NR3C2: variants seen among roughly 807,000 people sequenced by gnomAD.
NR3C2 encodes mineralocorticoid receptor.
A neutral mutation model predicts 86.4 loss-of-function variants in NR3C2; 15 were observed. That is an observed-to-expected ratio of 0.17 (90% confidence interval 0.12 to 0.27). The LOEUF is 0.27. Among genes scored for constraint, NR3C2 ranks in the 10% least tolerant of loss-of-function variants. The pLI is 1.00. For missense variants in NR3C2, 960 were observed against 1,195.6 expected (o/e 0.80, Z 2.91); for synonymous variants, 458 against 450.5 (o/e 1.02, Z -0.21).
chr4:148,300,549 G>C (rs75911785), intron 2 of NR3C2, among the ~76,000 whole-genome samples: 5,818 of 148,812 alleles, frequency 0.039, 354 homozygotes, highest in African/African-American at 0.13. Flanking sequence ...TTTTTTCTCA[G>C]TCAACTGAAT....
rs566648576 is a variant in NR3C2, at chr4:148,083,907, G to A, written c.2800-2408C>T. ...TTATCAATAGCTGAACTGATCAAGC[G>A]GAAGAAAGAATATCAGAGATTTAAG... On this transcript the variant is annotated intron_variant, in intron 8 of 8. Transcript: ENST00000358102. Among the ~76,000 whole-genome samples the A allele has an allele frequency of 1.4e-3, 215 of 151,992 alleles. 2 individuals carry two copies. The highest frequency in any genetic ancestry group is 4.8e-3 in the African/African-American group (199 of 41,462).
At chr4:148,329,462 T>C (rs530846710) in intron 2 of NR3C2, among the ~76,000 whole-genome samples, 2 of 152,310 alleles carry the variant, frequency 1.3e-5, no homozygotes, top group South Asian at 4.1e-4. Flanking sequence ...AATTAGGATT[T>C]CTTTCATTTA....
intron 3 of NR3C2, among the ~76,000 whole-genome samples, chr4:148,257,488 C>A (rs1368279690): frequency 6.6e-6 from 1 of 152,034 alleles, no homozygotes; most frequent in Non-Finnish European, 1.5e-5. Flanking sequence ...AGTCCTATGA[C>A]TTGAGTAAGG....
intron 3 of NR3C2, among the ~76,000 whole-genome samples, chr4:148,236,932 T>C (rs1363743615): frequency 6.6e-6 from 1 of 152,216 alleles, no homozygotes; most frequent in Non-Finnish European, 1.5e-5. Context: ...AATTCTTCAA[T>C]TGTTCTTCCC....
rs1249020365 is a variant in NR3C2 at position 148,435,079 on chromosome 4, A to C, written c.1757+25T>G. ...CAACATGTATAAAGCCATGACTTCC[A>C]AAAAAATGGAGAAAACCAACTTACC... On this transcript the variant is annotated intron_variant, in intron 2 of 8. Coordinates refer to ENST00000358102, the MANE Select transcript of NR3C2 (RefSeq NM_000901.5). 2.5e-6 allele frequency: 4 copies of C among 1,609,432 alleles called. No homozygotes were observed. In the African/African-American group the frequency reaches 5.3e-5, roughly 22 times the overall value.
chr4:148,264,490 C>CTACACA (rs1285177020), intron 2 of NR3C2, among the ~76,000 whole-genome samples: 1 of 152,138 alleles, frequency 6.6e-6, no homozygotes, highest in Non-Finnish European at 1.5e-5. Context: ...TACCAAACAT[C>CTACACA]TACACATAGC....
At chr4:148,172,888 T>C (rs998730388) in intron 4 of NR3C2, among the ~76,000 whole-genome samples, 1 of 152,182 alleles carries the variant, frequency 6.6e-6, no homozygotes, top group Admixed American at 6.5e-5. Context: ...TTAAAAGCTT[T>C]ATAGGAAAAG....
chr4:148,139,739 A>T (rs1733523196), intron 6 of NR3C2, among the ~76,000 whole-genome samples: 1 of 152,184 alleles, frequency 6.6e-6, no homozygotes, highest in Admixed American at 6.5e-5. Context: ...TCCAAATATG[A>T]CCTTCTTGTT....
At chr4:148,217,965 A>G (rs1022785660) in intron 3 of NR3C2, among the ~76,000 whole-genome samples, 1 of 152,236 alleles carries the variant, frequency 6.6e-6, no homozygotes, top group African/African-American at 2.4e-5. Flanking sequence ...AACCAAGGCA[A>G]ATCTACTGTA....
chr4:148,363,551 C>T (rs538115144), intron 2 of NR3C2, among the ~76,000 whole-genome samples: 87 of 124,384 alleles, frequency 7.0e-4, no homozygotes, highest in Admixed American at 1.4e-3. Flanking sequence ...TGGCCCAGGC[C>T]GGATTGCAGT....
At chr4:148,246,615 G>T (rs2149855090) in intron 3 of NR3C2, among the ~76,000 whole-genome samples, 1 of 152,266 alleles carries the variant, frequency 6.6e-6, no homozygotes, top group African/African-American at 2.4e-5. Flanking sequence ...GCAACGGCAT[G>T]ATCTCGGCTC....
intron 8 of NR3C2, among the ~76,000 whole-genome samples, chr4:148,113,677 G>A (rs58190159): frequency 0.028 from 4,193 of 152,218 alleles, 188 homozygotes; most frequent in African/African-American, 0.095. Context: ...ATATGTGTTC[G>A]GAGTTCTAAG....
intron 2 of NR3C2, among the ~76,000 whole-genome samples, chr4:148,357,744 C>T (rs1745620843): frequency 6.6e-6 from 1 of 152,074 alleles, no homozygotes; most frequent in African/African-American, 2.4e-5. Flanking sequence ...GTTTATCAAT[C>T]TCCATTATAT....
upstream of NR3C2, chr4:148,442,913 TC>T: frequency 1.0e-6 from 1 of 985,284 alleles, no homozygotes. Context: ...AGTCGGTTTT[TC>T]CGCGAGCAAA....
chr4:148,429,504 C>A (rs1413401484), intron 2 of NR3C2, among the ~76,000 whole-genome samples: 2 of 152,140 alleles, frequency 1.3e-5, no homozygotes, highest in Non-Finnish European at 2.9e-5. Context: ...AAACAATTTC[C>A]ACCACTTTTC....
intron 2 of NR3C2, among the ~76,000 whole-genome samples, chr4:148,351,575 C>T (rs765319644): frequency 6.6e-6 from 1 of 152,220 alleles, no homozygotes; most frequent in East Asian, 1.9e-4. Flanking sequence ...GAGCCCTCTA[C>T]AGACCCCAGG....
chr4:148,391,730 G>A (rs940356950), intron 2 of NR3C2, among the ~76,000 whole-genome samples: 1 of 152,052 alleles, frequency 6.6e-6, no homozygotes, highest in Non-Finnish European at 1.5e-5. Flanking sequence ...AGCTGGGCAT[G>A]GTGATGCACG....
chr4:148,376,331 A>G (rs779901442), intron 2 of NR3C2, among the ~76,000 whole-genome samples: 2 of 152,182 alleles, frequency 1.3e-5, no homozygotes, highest in Non-Finnish European at 2.9e-5. Flanking sequence ...ACAGCTTGGC[A>G]GTTGGCCATA....
chr4:148,146,700 C>T (rs1033831567), intron 6 of NR3C2: 2 of 152,196 alleles, frequency 1.3e-5, no homozygotes, highest in African/African-American at 2.4e-5. Flanking sequence ...TCAGAGAATC[C>T]ACAGAGGCAT....
Sources: allele counts gnomAD v4.1 joint callset (sites outside exome capture counted in the v4.1 genomes callset), GRCh38; gene constraint gnomAD v4.1.1; transcripts MANE v1.5; gene names NCBI Gene and HGNC (gene_info 2026-07-23, HGNC 2026-07-21).